Variants in ARHGEF10L observed in about 807,000 individuals in gnomAD.
ARHGEF10L encodes Rho guanine nucleotide exchange factor 10 like, also known as rho guanine nucleotide exchange factor 10-like protein.
In ARHGEF10L, 69 loss-of-function variants were observed where a neutral mutation model predicts 141.2. The ratio of observed to expected loss-of-function variants is 0.49; its 90% CI spans 0.40 to 0.60. The LOEUF (loss-of-function observed/expected upper bound fraction) is 0.60, where lower values mean the gene tolerates loss of function less well. Ranked by LOEUF, ARHGEF10L falls within the 20% of genes least tolerant of loss-of-function variation. The probability of loss-of-function intolerance (pLI) is 0.00; values close to 1 mark genes in which losing one functional copy is unlikely to be tolerated. For missense variants in ARHGEF10L, 1,482 were observed against 1,734.3 expected, an observed-to-expected ratio of 0.85 and a Z score of 2.58; for synonymous variants, 711 against 718.5, an observed-to-expected ratio of 0.99 and a Z score of 0.17.
At chr1:17,550,043 G>C (rs1225566597) in intron 1 of ARHGEF10L, among the ~76,000 whole-genome samples, 1 of 152,212 alleles carries the variant, frequency 6.6e-6, no homozygotes, top group Non-Finnish European at 1.5e-5. Flanking sequence ...TAGAGAGCCA[G>C]GGTGGAGGGG....
At chr1:17,693,621 G>A (rs1009464738) in intron 27 of ARHGEF10L, among the ~76,000 whole-genome samples, 9 of 152,276 alleles carry the variant, frequency 5.9e-5, no homozygotes, top group African/African-American at 2.2e-4. Flanking sequence ...CACTCACCAG[G>A]TGGGGGACCT....
rs1359327655 is a variant in ARHGEF10L, at chr1:17,619,209, G to C, written c.836-130G>C. ...CTACCGGGCGGCTCTAACCCCACGG[G>C]GCCCCAGGAGCTGCTTGCACCCTAG... On this transcript the variant is annotated intron_variant, in intron 9 of 28. Transcript: ENST00000361221. This position sits in a 1 kb window ranked among gnomAD's most constrained non-coding sequence, Gnocchi z 5.0. 1 of 834,390 alleles carries C rather than the reference G, an allele frequency of 1.2e-6. No individual in the cohort carries two copies. Among genetic ancestry groups the C allele is most frequent in the East Asian group, 2.8e-5 (1 of 36,068 alleles). 51.7% of individuals were successfully genotyped at this position (834,390 alleles called of 1,614,324 possible). A position where few individuals can be genotyped will look rare whatever the true frequency, so the allele number is the denominator to read the frequency against.
At chr1:17,556,232 T>A (rs1172159570) in intron 1 of ARHGEF10L, among the ~76,000 whole-genome samples, 1 of 73,928 alleles carries the variant, frequency 1.4e-5, no homozygotes, top group African/African-American at 5.4e-5. Flanking sequence ...AGCACGGAGG[T>A]GAGCCTGGGA....
At chr1:17,609,910 A>G (rs2059454598) in intron 7 of ARHGEF10L, among the ~76,000 whole-genome samples, 4 of 152,100 alleles carry the variant, frequency 2.6e-5, no homozygotes, top group Admixed American at 2.6e-4. Context: ...TCCCCCCAGT[A>G]GCCTCTCCAT....
At chr1:17,552,200 G>A (rs1316908454) in intron 1 of ARHGEF10L, among the ~76,000 whole-genome samples, 1 of 152,166 alleles carries the variant, frequency 6.6e-6, no homozygotes, top group Non-Finnish European at 1.5e-5. Context: ...GAGGGCGAGG[G>A]GAGGGGGAGA....
intron 22 of ARHGEF10L, among the ~76,000 whole-genome samples, chr1:17,651,076 T>C (rs764511080): frequency 2.0e-5 from 3 of 152,210 alleles, no homozygotes; most frequent in Non-Finnish European, 4.4e-5. Flanking sequence ...TATTTAAACT[T>C]TTAAATAACT....
intron 25 of ARHGEF10L, among the ~76,000 whole-genome samples, chr1:17,661,150 C>A (rs935320621): frequency 6.6e-6 from 1 of 152,050 alleles, no homozygotes; most frequent in Non-Finnish European, 1.5e-5. Context: ...CAGTGGCACT[C>A]CACTGCAACC....
intron 27 of ARHGEF10L, chr1:17,694,547 G>A (rs1165675325): frequency 4.3e-6 from 1 of 230,074 alleles, no homozygotes; most frequent in Admixed American, 5.3e-5. Context: ...ATCTGGACTG[G>A]CATCAGAAAC....
intron 20 of ARHGEF10L, 161 bp from the exon 21 acceptor site, chr1:17,640,041 T>G: frequency 6.8e-7 from 1 of 1,470,964 alleles, no homozygotes; most frequent in Non-Finnish European, 9.0e-7. Flanking sequence ...GACCGAGGCT[T>G]TGCCAAGCCA....
At chr1:17,655,797 CT>C in intron 23 of ARHGEF10L, 81 bp from the exon 24 acceptor site, 1 of 1,317,062 alleles carries the variant, frequency 7.6e-7, no homozygotes, top group East Asian at 2.5e-5. Flanking sequence ...GGATGGGGTC[CT>C]TGGGAAAGCA....
chr1:17,657,490 G>A lies in ARHGEF10L; in HGVS notation c.2860+782G>A, dbSNP rs2883408. On this transcript the variant is annotated intron_variant, in intron 25 of 28. Coordinates refer to ENST00000361221, the MANE Select transcript of ARHGEF10L (RefSeq NM_018125.4). ...AGCCAGCCCCCAGTCCCCTGGAAGG[G>A]GCAGAGGAGCCTGAAGGGCCCGCAG... Among the ~76,000 whole-genome samples the A allele has an allele frequency of 7.3e-3, 1,107 of 152,266 alleles. 12 individuals are homozygous for A. Among genetic ancestry groups the A allele is most frequent in the African/African-American group, 0.026 (1,074 of 41,554 alleles).
chr1:17,568,061 T>C (rs2077834297), intron 1 of ARHGEF10L, among the ~76,000 whole-genome samples: 1 of 152,146 alleles, frequency 6.6e-6, no homozygotes, highest in African/African-American at 2.4e-5. Flanking sequence ...CAGATGCTGC[T>C]AGAGGGGCTG....
upstream of ARHGEF10L, among the ~76,000 whole-genome samples, chr1:17,537,099 G>T (rs2076586776): frequency 6.6e-6 from 1 of 151,534 alleles, no homozygotes; most frequent in African/African-American, 2.4e-5. Context: ...TCCCTATGTT[G>T]CCCAGGCTGG....
Position 17,634,529 on chromosome 1 carries a change from TTCTTG to T in ARHGEF10L, c.1731-14_1731-10del. 1 of 1,614,130 alleles carries T rather than the reference TTCTTG, an allele frequency of 6.2e-7. No homozygotes were observed. The highest frequency in any genetic ancestry group is 8.5e-7 in the Non-Finnish European group (1 of 1,179,990). On this transcript the variant is annotated splice_polypyrimidine_tract_variant and intron_variant, in intron 16 of 28. Coordinates refer to ENST00000361221, the MANE Select transcript of ARHGEF10L (RefSeq NM_018125.4). ...CATTGTAATAACAATCTCCCTTTCC[TTCTTG>T]TCTTTTTTCCCAGGCCTGCCAACCA...
At chr1:17,596,869 T>C (rs963669962) in intron 4 of ARHGEF10L, among the ~76,000 whole-genome samples, 5 of 152,120 alleles carry the variant, frequency 3.3e-5, no homozygotes, top group African/African-American at 1.2e-4. Flanking sequence ...CTGGCCAACA[T>C]GATGAAACCC....
chr1:17,643,201 G>A (rs746055582), intron 21 of ARHGEF10L, among the ~76,000 whole-genome samples: 12 of 152,160 alleles, frequency 7.9e-5, no homozygotes, highest in Non-Finnish European at 1.2e-4. Flanking sequence ...AATAGAATAT[G>A]TTAAAAACAT....
chr1:17,544,460 A>G (rs2076845577), intron 1 of ARHGEF10L, among the ~76,000 whole-genome samples: 2 of 150,328 alleles, frequency 1.3e-5, no homozygotes, highest in South Asian at 4.2e-4. Context: ...ACTCCCGGCT[A>G]ATTTTTGTAT....
At chr1:17,657,502 T>G (rs1184501756) in intron 25 of ARHGEF10L, among the ~76,000 whole-genome samples, 2 of 152,132 alleles carry the variant, frequency 1.3e-5, no homozygotes, top group African/African-American at 4.8e-5. Context: ...CAGAGGAGCC[T>G]GAAGGGCCCG....
chr1:17,665,355 C>T (rs956535247), intron 26 of ARHGEF10L, among the ~76,000 whole-genome samples: 4 of 152,208 alleles, frequency 2.6e-5, no homozygotes, highest in African/African-American at 9.6e-5. Flanking sequence ...CTGGCAGAGA[C>T]ACTAAGTGGA....
Sources: gnomAD v4.1 joint callset for allele counts (sites outside exome capture counted in the v4.1 genomes callset) on GRCh38, gnomAD v4.1.1 for gene constraint, Gnocchi (gnomAD v3.1) non-coding constraint, MANE v1.5 for transcripts, NCBI Gene and HGNC (gene_info 2026-07-23, HGNC 2026-07-21) for gene names.